Variants in SF3A1 observed in about 807,000 individuals in gnomAD.
SF3A1 encodes SAP 114.
In SF3A1, 13 loss-of-function variants were observed where a neutral mutation model predicts 89.9. That is an observed-to-expected ratio of 0.14 (90% CI 0.09 to 0.23). SF3A1 has a LOEUF of 0.23. SF3A1 is among the 10% of genes least tolerant of loss of function. SF3A1 has a pLI of 1.00. For missense variants in SF3A1, 604 were observed against 1,022.1 expected, an observed-to-expected ratio of 0.59 and a Z score of 5.58; for synonymous variants, 405 against 374.4, an observed-to-expected ratio of 1.08 and a Z score of -0.94.
intron 2 of SF3A1, among the ~76,000 whole-genome samples, chr22:30,349,090 G>C (rs1408536202): frequency 6.6e-6 from 1 of 152,152 alleles, no homozygotes; most frequent in Non-Finnish European, 1.5e-5. Context: ...TTCTTGACAG[G>C]AACATGCAGG....
chr22:30,347,474 A>C (rs1001713938), intron 2 of SF3A1, among the ~76,000 whole-genome samples: 3 of 152,144 alleles, frequency 2.0e-5, no homozygotes, highest in Non-Finnish European at 2.9e-5. Flanking sequence ...TAAGATCAGC[A>C]GGGAGGTCTC....
intron 9 of SF3A1, among the ~76,000 whole-genome samples, chr22:30,339,615 G>C (rs1236306616): frequency 6.6e-6 from 1 of 152,160 alleles, no homozygotes; most frequent in Non-Finnish European, 1.5e-5. Context: ...AATTAGCCGG[G>C]TGTGGTGGTG....
chr22:30,335,840 ATGTCACCTG>A, intron 13 of SF3A1, 87 bp from the exon 14 acceptor site: 2 of 1,099,044 alleles, frequency 1.8e-6, no homozygotes, highest in Non-Finnish European at 1.4e-6. Flanking sequence ...TGTCCAGACA[ATGTCACCTG>A]TGCATCTGGG....
Position 30,332,975 on chromosome 22 carries a change from C to G in SF3A1, c.*1619G>C, listed in dbSNP as rs1930960540. 1 of 152,218 alleles carries G rather than the reference C, an allele frequency of 6.6e-6. No homozygotes were observed. 9.4% of individuals were successfully genotyped at this position (152,218 alleles called of 1,614,324 possible). A position where few individuals can be genotyped will look rare whatever the true frequency, so the allele number is the denominator to read the frequency against. ...CTCCCCAGGTCTCCTGACCCTCTTC[C>G]TTCTTGGAATGAGACCCAGGTAGTG... On this transcript the variant is annotated 3_prime_UTR_variant, in exon 16 of 16. Coordinates refer to ENST00000215793, the MANE Select transcript of SF3A1 (RefSeq NM_005877.6).
chr22:30,351,116 C>G (rs889017421), intron 2 of SF3A1, among the ~76,000 whole-genome samples: 3 of 152,070 alleles, frequency 2.0e-5, no homozygotes, highest in Non-Finnish European at 2.9e-5. Context: ...CTGGCCAACA[C>G]GGTGAAACCA....
At chr22:30,355,440 T>C (rs1368416196) in intron 1 of SF3A1, among the ~76,000 whole-genome samples, 2 of 152,202 alleles carry the variant, frequency 1.3e-5, no homozygotes, top group African/African-American at 4.8e-5. Context: ...TCTGCCCTAA[T>C]CTCGGCCAGG....
chr22:30,336,521 G>A (rs1931072138), intron 13 of SF3A1, among the ~76,000 whole-genome samples: 1 of 152,140 alleles, frequency 6.6e-6, no homozygotes, highest in African/African-American at 2.4e-5. Flanking sequence ...GGCCGGGGCT[G>A]TTTCTGTCTC....
intron 1 of SF3A1, among the ~76,000 whole-genome samples, chr22:30,356,440 G>A (rs777106495): frequency 2.0e-5 from 3 of 152,368 alleles, no homozygotes; most frequent in East Asian, 1.9e-4. Flanking sequence ...ATCACCTTAG[G>A]ATTTTGTTCA....
chr22:30,342,669 T>C (rs1004249912), intron 5 of SF3A1, 136 bp downstream of exon 5: 1 of 689,278 alleles, frequency 1.5e-6, no homozygotes, highest in Admixed American at 2.6e-5. Context: ...TTCTTTGGCC[T>C]TTGTAGCCAA....
At chr22:30,337,236 G>A (rs1569169935) in intron 12 of SF3A1, 56 bp from the exon 13 acceptor site, 1 of 1,498,136 alleles carries the variant, frequency 6.7e-7, no homozygotes, top group Non-Finnish European at 9.0e-7. Context: ...CCAGGACTCA[G>A]GGCTGATGAG....
At chr22:30,345,318 T>C (rs1188848352) in intron 3 of SF3A1, 128 bp from the exon 4 acceptor site, 10 of 827,134 alleles carry the variant, frequency 1.2e-5, no homozygotes, top group Admixed American at 8.0e-5. Context: ...CTGTTAATTA[T>C]GCACACACCA....
In SF3A1 at chr22:30,336,969, A is replaced by C. The variant is rs1931085394; in HGVS notation, c.2106+57T>G. ...AGGGTCAGTTTCGCAAGTGTACGAC[A>C]GGGGCGGGACTGAACCCTCCAGCTA... is the stretch of plus-strand genomic sequence containing the variant. On this transcript the variant is annotated intron_variant, in intron 13 of 15. Coordinates refer to ENST00000215793, the MANE Select transcript of SF3A1 (RefSeq NM_005877.6). 28 of 1,594,284 alleles carry C rather than the reference A, an allele frequency of 1.8e-5. No homozygotes were observed. In the East Asian group the frequency reaches 6.0e-4, roughly 34 times the overall value.
chr22:30,346,869 TA>T (rs368223452), intron 2 of SF3A1, among the ~76,000 whole-genome samples: 21 of 151,584 alleles, frequency 1.4e-4, no homozygotes, highest in East Asian at 1.2e-3. Context: ...CTACTTCAAA[TA>T]AAAAAAAATC....
At chr22:30,336,483 ATTTGGTCAAATACAT>A (rs1310014459) in intron 13 of SF3A1, among the ~76,000 whole-genome samples, 1 of 152,138 alleles carries the variant, frequency 6.6e-6, no homozygotes, top group Non-Finnish European at 1.5e-5. Flanking sequence ...AAACGAAACA[ATTTGGTCAAATACAT>A]TGGGGGAGCA....
At position 30,342,780 on chromosome 22, in the gene SF3A1, T is replaced by C. The variant is rs750156711; in HGVS notation, c.726+25A>G. On this transcript the variant is annotated intron_variant, in intron 5 of 15. Transcript: ENST00000215793. Reference sequence around the variant, plus strand: ...AACAGAACCAACCACCAGTAACTGGTTGCAAGAAATGCTATTCAGTTTACC... The same window carrying C: ...AACAGAACCAACCACCAGTAACTGGCTGCAAGAAATGCTATTCAGTTTACC... 9.5e-6 allele frequency: 14 copies of C among 1,470,572 alleles called. No individual in the cohort carries two copies. In the East Asian group the frequency reaches 3.2e-4, roughly 33 times the overall value. The allele number at this position is 1,470,572 out of a possible 1,614,324, so 91.1% of individuals were successfully genotyped here.
At chr22:30,346,598 T>C in intron 2 of SF3A1, 79 bp from the exon 3 acceptor site, 1 of 1,524,802 alleles carries the variant, frequency 6.6e-7, no homozygotes, top group Middle Eastern at 1.7e-4. Context: ...CATTGGAACG[T>C]CCTTCTTGCC....
intron 15 of SF3A1, 150 bp downstream of exon 15, chr22:30,335,317 C>A: frequency 1.4e-6 from 1 of 720,720 alleles, no homozygotes; most frequent in Non-Finnish European, 2.4e-6. Context: ...CCCCAACACT[C>A]CCAGCCAGCA....
chr22:30,335,823 C>G, intron 13 of SF3A1, 70 bp from the exon 14 acceptor site: 1 of 1,269,470 alleles, frequency 7.9e-7, no homozygotes, highest in Non-Finnish European at 1.2e-6. Context: ...TCTGCTATCC[C>G]TAGGCCTGTC....
intron 2 of SF3A1, among the ~76,000 whole-genome samples, chr22:30,349,901 T>C (rs1193897307): frequency 6.6e-6 from 1 of 152,106 alleles, no homozygotes; most frequent in Non-Finnish European, 1.5e-5. Flanking sequence ...CACCCTGGCC[T>C]CCCAAAGTGC....
Sources: allele counts gnomAD v4.1 joint callset (sites outside exome capture counted in the v4.1 genomes callset), GRCh38; gene constraint gnomAD v4.1.1; transcripts MANE v1.5; gene names NCBI Gene and HGNC (gene_info 2026-07-23, HGNC 2026-07-21).